MAST4: variants seen among roughly 807,000 people sequenced by gnomAD.
The protein encoded by MAST4 is microtubule-associated serine/threonine-protein kinase 4.
In MAST4, 89 loss-of-function variants were observed where a neutral mutation model predicts 162.7. The ratio of observed to expected loss-of-function variants is 0.55; its 90% CI spans 0.46 to 0.65. The LOEUF is 0.65. Ranked by LOEUF, MAST4 falls within the 30% of genes least tolerant of loss-of-function variation. The pLI is 0.00. For missense variants in MAST4, 3,153 were observed against 3,374.0 expected, an observed-to-expected ratio of 0.93 and a Z score of 1.62; for synonymous variants, 1,479 against 1,361.1, an observed-to-expected ratio of 1.09 and a Z score of -1.91.
intron 19 of MAST4, among the ~76,000 whole-genome samples, chr5:67,138,776 G>A (rs1375190894): frequency 6.6e-6 from 1 of 152,040 alleles, no homozygotes; most frequent in Non-Finnish European, 1.5e-5. Flanking sequence ...GGTCAGGTGT[G>A]GAATTTTCCA....
At chr5:66,751,172 T>C (rs1006279451) in intron 1 of MAST4, among the ~76,000 whole-genome samples, 15 of 151,946 alleles carry the variant, frequency 9.9e-5, no homozygotes, top group African/African-American at 3.1e-4. Context: ...AGACCAAAAG[T>C]AGATAAAACC....
intron 3 of MAST4, among the ~76,000 whole-genome samples, chr5:66,809,096 C>G (rs1756349010): frequency 6.6e-6 from 1 of 152,210 alleles, no homozygotes; most frequent in South Asian, 2.1e-4. Flanking sequence ...AGGTATACAT[C>G]TCCTGCATTC....
At chr5:66,915,879 T>C (rs1401462575) in intron 4 of MAST4, among the ~76,000 whole-genome samples, 1 of 152,236 alleles carries the variant, frequency 6.6e-6, no homozygotes, top group Non-Finnish European at 1.5e-5. Context: ...TTTCTTCTCC[T>C]ACCATTATGG....
intron 1 of MAST4, among the ~76,000 whole-genome samples, chr5:66,710,900 T>C (rs142332364): frequency 0.01 from 1,566 of 152,354 alleles, 4 homozygotes; most frequent in Middle Eastern, 0.024. Context: ...ATGCACATTA[T>C]GTGTGTAAAA....
intron 1 of MAST4, among the ~76,000 whole-genome samples, chr5:66,679,701 CGGT>C (rs1561257219): frequency 6.6e-6 from 1 of 151,980 alleles, no homozygotes; most frequent in Non-Finnish European, 1.5e-5. Context: ...GTTGGCTTCT[CGGT>C]GAGGGTGTGG....
chr5:66,915,288 A>AAAAAAAT (rs397998031), intron 4 of MAST4, among the ~76,000 whole-genome samples: 1 of 148,888 alleles, frequency 6.7e-6, no homozygotes, highest in Admixed American at 6.7e-5. Flanking sequence ...AAAAAAAAAA[A>AAAAAAAT]TCAAGTGGAA....
chr5:66,813,736 G>T (rs1424220391), intron 3 of MAST4, among the ~76,000 whole-genome samples: 3 of 152,242 alleles, frequency 2.0e-5, no homozygotes, highest in Non-Finnish European at 2.9e-5. Flanking sequence ...GAAGAAATAG[G>T]TGGTTTAACT....
chr5:66,827,756 G>A (rs994314234), intron 3 of MAST4, among the ~76,000 whole-genome samples: 2 of 152,182 alleles, frequency 1.3e-5, no homozygotes, highest in Non-Finnish European at 2.9e-5. Flanking sequence ...GAAAGAGGTC[G>A]TTCTTAGACA....
chr5:66,715,691 A>G (rs1009052145), intron 1 of MAST4, among the ~76,000 whole-genome samples: 1 of 150,986 alleles, frequency 6.6e-6, no homozygotes, highest in African/African-American at 2.4e-5. Context: ...TAAAAATTAA[A>G]AAAAAAATTT....
intron 4 of MAST4, among the ~76,000 whole-genome samples, chr5:66,935,320 CG>C (rs1250996653): frequency 6.6e-6 from 1 of 152,092 alleles, no homozygotes; most frequent in Non-Finnish European, 1.5e-5. Context: ...ATGTTTTTAG[CG>C]TAGAAGGTGG....
At chr5:67,047,151 T>C (rs1179337237) in intron 4 of MAST4, among the ~76,000 whole-genome samples, 13 of 152,256 alleles carry the variant, frequency 8.5e-5, no homozygotes, top group Non-Finnish European at 1.9e-4. Flanking sequence ...AACCACAGGC[T>C]ATAAGAGTCC....
chr5:66,662,821 A>C (rs987727452), intron 1 of MAST4: 4 of 149,416 alleles, frequency 2.7e-5, no homozygotes, highest in Non-Finnish European at 5.9e-5. Context: ...ATATGAAGAT[A>C]TTTAGTGAAG....
At chr5:66,835,989 G>T (rs1757940757) in intron 3 of MAST4, among the ~76,000 whole-genome samples, 1 of 152,092 alleles carries the variant, frequency 6.6e-6, no homozygotes, top group Non-Finnish European at 1.5e-5. Flanking sequence ...GAGCAACATA[G>T]TGAAAACTTG....
intron 4 of MAST4, among the ~76,000 whole-genome samples, chr5:67,038,189 A>G (rs1240810087): frequency 1.3e-5 from 2 of 150,856 alleles, no homozygotes; most frequent in Admixed American, 6.6e-5. Flanking sequence ...TTGCAATTCT[A>G]GTTTAGATGA....
chr5:67,032,131 T>C (rs1041128693), intron 4 of MAST4, among the ~76,000 whole-genome samples: 2 of 152,172 alleles, frequency 1.3e-5, no homozygotes, highest in Non-Finnish European at 2.9e-5. Context: ...TTTCTGTGAA[T>C]TATCCTGCTG....
chr5:66,886,339 G>C (rs1347691856), intron 3 of MAST4, among the ~76,000 whole-genome samples: 2 of 152,104 alleles, frequency 1.3e-5, no homozygotes, highest in Non-Finnish European at 2.9e-5. Context: ...GTGTAATTCA[G>C]TTTTCTTTTT....
intron 4 of MAST4, among the ~76,000 whole-genome samples, chr5:66,943,170 T>C (rs1743566166): frequency 6.6e-6 from 1 of 152,138 alleles, no homozygotes; most frequent in Non-Finnish European, 1.5e-5. Flanking sequence ...TTCTACCTCT[T>C]ATCAACCCAC....
intron 4 of MAST4, among the ~76,000 whole-genome samples, chr5:66,923,035 T>G (rs1198137829): frequency 6.6e-6 from 1 of 152,222 alleles, no homozygotes; most frequent in South Asian, 2.1e-4. Flanking sequence ...TTCTTTTACA[T>G]GGTGCTTTCA....
At chr5:66,698,720 CAG>C (rs958097649) in intron 1 of MAST4, among the ~76,000 whole-genome samples, 2 of 152,136 alleles carry the variant, frequency 1.3e-5, no homozygotes, top group African/African-American at 4.8e-5. Flanking sequence ...CTTAGCATAA[CAG>C]AGCTTTTGCT....
Sources: gnomAD v4.1 joint callset for allele counts (sites outside exome capture counted in the v4.1 genomes callset) on GRCh38, gnomAD v4.1.1 for gene constraint, MANE v1.5 for transcripts, NCBI Gene and HGNC (gene_info 2026-07-23, HGNC 2026-07-21) for gene names.